Variants in COL4A3 observed in about 807,000 individuals in gnomAD.
COL4A3 encodes collagen alpha-3(IV) chain.
In COL4A3, 135 loss-of-function variants were observed where a neutral mutation model predicts 217.4. That is an observed-to-expected ratio of 0.62 (90% CI 0.54 to 0.72). COL4A3 has a LOEUF of 0.72. COL4A3 is among the 30% of genes least tolerant of loss of function. COL4A3 has a pLI of 0.00. For synonymous variants in COL4A3, 690 were observed against 736.3 expected (o/e 0.94, Z 1.02); for missense variants, 1,868 against 2,119.9 (o/e 0.88, Z 2.33).
In COL4A3 at chr2:227,257,465, T is replaced by C; in HGVS notation, c.988-138T>C. The C allele has an allele frequency of 6.8e-6, 5 of 734,822 alleles. No homozygotes were observed. The South Asian group carries it at 7.8e-5, about 11-fold the overall frequency. The allele number at this position is 734,822 out of a possible 1,614,324, so 45.5% of individuals were successfully genotyped here. A position where few individuals can be genotyped will look rare whatever the true frequency, so the allele number is the denominator to read the frequency against. On this transcript the variant is annotated intron_variant, in intron 17 of 51. Transcript: ENST00000396578. ...CTCCAGGAAAATAATTTAAAGTCAG[T>C]GTCTCTTTAACTTTAATTTGGTTTG... is the stretch of plus-strand genomic sequence containing the variant.
Position 227,312,219 on chromosome 2 carries a change from T to A in COL4A3, c.*349T>A. ...ATATTTGGCCCGCTGGATTCCCACA[T>A]TTGTCTTCTTTCTGTCTTTAAGACT... On this transcript the variant is annotated 3_prime_UTR_variant, in exon 52 of 52. Coordinates refer to ENST00000396578, the MANE Select transcript of COL4A3 (RefSeq NM_000091.5). 1 of 289,086 alleles carries A rather than the reference T, an allele frequency of 3.5e-6. No individual in the cohort carries two copies. The highest frequency in any genetic ancestry group is 3.3e-5 in the South Asian group (1 of 30,124). The allele number at this position is 289,086 out of a possible 1,614,324, so 17.9% of individuals were successfully genotyped here. A position where few individuals can be genotyped will look rare whatever the true frequency, so the allele number is the denominator to read the frequency against.
chr2:227,311,572 G>A (rs2073742426), intron 51 of COL4A3, among the ~76,000 whole-genome samples: 1 of 151,990 alleles, frequency 6.6e-6, no homozygotes, highest in Non-Finnish European at 1.5e-5. Context: ...TAGAGATTGG[G>A]TTTCACCATG....
intron 21 of COL4A3, among the ~76,000 whole-genome samples, chr2:227,264,462 G>A (rs780633262): frequency 4.6e-5 from 7 of 152,230 alleles, no homozygotes; most frequent in East Asian, 1.9e-4. Context: ...GAGGTGTGCC[G>A]CATGGGTGTA....
At chr2:227,249,230 A>ATATATATATATATATATATTTTTT in intron 9 of COL4A3, among the ~76,000 whole-genome samples, 1 of 14,690 alleles carries the variant, frequency 6.8e-5, no homozygotes, top group African/African-American at 2.7e-4. Flanking sequence ...ATATATATAT[A>ATATATATATATATATATATTTTTT]TTTTTTTTTT....
At chr2:227,297,533 A>G in intron 41 of COL4A3, 141 bp from the exon 42 acceptor site, 1 of 756,736 alleles carries the variant, frequency 1.3e-6, no homozygotes, top group Non-Finnish European at 2.1e-6. Context: ...CCAGCAATAT[A>G]TTATAAAATA....
chr2:227,176,063 A>G (rs2065664311), intron 1 of COL4A3, among the ~76,000 whole-genome samples: 1 of 142,816 alleles, frequency 7.0e-6, no homozygotes, highest in East Asian at 2.1e-4. Context: ...ACAGAGAAAG[A>G]TGAAACCCAG....
chr2:227,241,655 T>C (rs774419121), intron 3 of COL4A3, among the ~76,000 whole-genome samples: 35 of 150,166 alleles, frequency 2.3e-4, no homozygotes, highest in South Asian at 1.9e-3. Flanking sequence ...GCCTGGGTAA[T>C]AGAGCGAGAC....
At chr2:227,203,970 T>G (rs1031646528) in intron 1 of COL4A3, among the ~76,000 whole-genome samples, 1 of 152,058 alleles carries the variant, frequency 6.6e-6, no homozygotes, top group African/African-American at 2.4e-5. Flanking sequence ...TACCAGGGCT[T>G]AATAAATATT....
chr2:227,295,993 C>T lies in COL4A3; in HGVS notation c.3565+677C>T, dbSNP rs80292135. Among the ~76,000 whole-genome samples the T allele has an allele frequency of 5.8e-3, 882 of 152,306 alleles. 10 individuals are homozygous for T. The highest frequency in any genetic ancestry group is 0.019 in the African/African-American group (807 of 41,560). On this transcript the variant is annotated intron_variant, in intron 41 of 51. Coordinates refer to ENST00000396578, the MANE Select transcript of COL4A3 (RefSeq NM_000091.5). ...ACATTTCATTGACCCGTCTCAGCCA[C>T]GCGTCCTATGAATGGGAGCATTTCA...
At chr2:227,291,580 CAAAAAAAAAAAACA>C (rs1242409390) in intron 37 of COL4A3, among the ~76,000 whole-genome samples, 742 of 31,396 alleles carry the variant, frequency 0.024, 17 homozygotes, top group African/African-American at 0.038. Context: ...AAAAAAAAAA[CAAAAAAAAAAAACA>C]AAAAAAAAAA....
intron 1 of COL4A3, among the ~76,000 whole-genome samples, chr2:227,192,414 C>G (rs1012628564): frequency 6.8e-6 from 1 of 147,774 alleles, no homozygotes; most frequent in African/African-American, 2.5e-5. Flanking sequence ...TTTCCTCAGA[C>G]CCTGACCAGG....
At chr2:227,276,552 TC>T (rs2071578176) in intron 27 of COL4A3, 75 bp downstream of exon 27, 2 of 1,127,646 alleles carry the variant, frequency 1.8e-6, no homozygotes, top group African/African-American at 1.5e-5. Flanking sequence ...AAAAATACTG[TC>T]CCCATTATAA....
At chr2:227,271,461 A>ATTT (rs397988092) in intron 25 of COL4A3, among the ~76,000 whole-genome samples, 16 of 104,692 alleles carry the variant, frequency 1.5e-4, no homozygotes, top group East Asian at 2.7e-4. Context: ...ACCTACCAAG[A>ATTT]TTTTTTTTTT....
Position 227,262,332 on chromosome 2 carries a change from A to C in COL4A3, c.1150+1215A>C, listed in dbSNP as rs115895289. ...CAAAACAAACAAACAAACAAACAAA[A>C]AAACAGGCTCCTTTAATAAGCCGAT... is the stretch of plus-strand genomic sequence containing the variant. On this transcript the variant is annotated intron_variant, in intron 20 of 51. Transcript: ENST00000396578. Among the ~76,000 whole-genome samples the C allele has an allele frequency of 3.5e-3, 526 of 152,284 alleles. 6 individuals carry two copies. Among genetic ancestry groups the C allele is most frequent in the Middle Eastern group, 0.014 (4 of 294 alleles).
chr2:227,188,517 C>T (rs549256372), intron 1 of COL4A3, among the ~76,000 whole-genome samples: 3 of 151,812 alleles, frequency 2.0e-5, no homozygotes, highest in Non-Finnish European at 2.9e-5. Context: ...CTCCATCTCA[C>T]GTAACAGAGT....
intron 1 of COL4A3, among the ~76,000 whole-genome samples, chr2:227,206,679 C>T (rs540236863): frequency 2.6e-5 from 4 of 152,194 alleles, no homozygotes; most frequent in South Asian, 2.1e-4. Context: ...CTAATGAGTC[C>T]GAATCTGTGT....
chr2:227,297,982 C>T (rs2073105122), intron 42 of COL4A3, 123 bp downstream of exon 42: 3 of 1,119,302 alleles, frequency 2.7e-6, no homozygotes, highest in Non-Finnish European at 4.0e-6. Context: ...TCCATTCCCC[C>T]ACTACCTGTG....
Position 227,304,123 on chromosome 2 carries a change from C to A in COL4A3, c.4132C>A (p.Pro1378Thr), listed in dbSNP as rs1480056281. The change falls in exon 46 of 52, where the codon CCA becomes ACA. Residue 1378 changes from proline (P) to threonine (T), a missense_variant. Physicochemically the swap from Pro to Thr is conservative, Grantham distance 38. Transcript: ENST00000396578. ...AGGGATGCAGGGAGAACCTGGGCCA[C>A]CAGGGCCACCTGGAAACCTAGGTGT... ...EPGMQGEPGP[P>T]GPPGNLGPCG... 8 of 1,613,990 alleles carry A rather than the reference C, an allele frequency of 5.0e-6. No homozygotes were observed. The highest frequency in any genetic ancestry group is 1.3e-5 in the African/African-American group (1 of 74,934).
rs72371878 is a variant in COL4A3, at chr2:227,282,275, AAT to A, written c.2489-65_2489-64del. ...AGACAGAGGGAGATTCCATCTTAAA[AAT>A]ATATATATATATATATATATATATT... On this transcript the variant is annotated intron_variant, in intron 31 of 51. Coordinates refer to ENST00000396578, the MANE Select transcript of COL4A3 (RefSeq NM_000091.5). This position sits in a 1 kb window ranked among gnomAD's most constrained non-coding sequence, Gnocchi z 4.4. 105,778 of 348,892 alleles carry A rather than the reference AAT, an allele frequency of 0.3. 9,031 individuals are homozygous for A. Among genetic ancestry groups the A allele is most frequent in the South Asian group, 0.38 (5,653 of 15,038 alleles). The allele number at this position is 348,892 out of a possible 1,614,324, so 21.6% of individuals were successfully genotyped here.
Sources: gnomAD v4.1 joint callset for allele counts (sites outside exome capture counted in the v4.1 genomes callset) on GRCh38, gnomAD v4.1.1 for gene constraint, Gnocchi (gnomAD v3.1) non-coding constraint, MANE v1.5 for transcripts, NCBI Gene and HGNC (gene_info 2026-07-23, HGNC 2026-07-21) for gene names.